XPO1: variants seen among roughly 807,000 people sequenced by gnomAD.
XPO1 encodes exportin 1, also known as exportin-1.
Under a neutral mutation model 133.3 loss-of-function variants are expected in XPO1, and 5 were observed. The ratio of observed to expected loss-of-function variants is 0.04; its 90% confidence interval spans 0.02 to 0.08. The LOEUF (loss-of-function observed/expected upper bound fraction) is 0.08, where lower values mean the gene tolerates loss of function less well. Among genes scored for constraint, XPO1 ranks in the 10% least tolerant of loss-of-function variants. The probability of loss-of-function intolerance (pLI) is 1.00; values close to 1 mark genes in which losing one functional copy is unlikely to be tolerated. For synonymous variants in XPO1, 419 were observed against 408.2 expected (o/e 1.03, Z -0.32); for missense variants, 506 against 1,267.5 (o/e 0.40, Z 9.12).
At chr2:61,527,305 C>T (rs1308958911) in intron 2 of XPO1, among the ~76,000 whole-genome samples, 3 of 130,442 alleles carry the variant, frequency 2.3e-5, no homozygotes, top group Admixed American at 9.2e-5. Flanking sequence ...GGCAATGTAA[C>T]GAGGCCATGA....
intron 1 of XPO1, chr2:61,534,811 T>C (rs962489904): frequency 2.0e-5 from 3 of 152,314 alleles, no homozygotes; most frequent in African/African-American, 4.8e-5. Context: ...GCCCTTAGCC[T>C]CTACAGAAAT....
chr2:61,521,003 T>C (rs534629056), intron 4 of XPO1, among the ~76,000 whole-genome samples: 10 of 152,290 alleles, frequency 6.6e-5, no homozygotes, highest in South Asian at 4.1e-4. Flanking sequence ...TTGGACCACA[T>C]AGTCAAATTG....
intron 16 of XPO1, 109 bp from the exon 17 acceptor site, chr2:61,490,885 T>A: frequency 7.5e-7 from 1 of 1,331,188 alleles, no homozygotes; most frequent in African/African-American, 1.5e-5. Flanking sequence ...CCAGGTGCAG[T>A]GGATCACTCC....
intron 4 of XPO1, among the ~76,000 whole-genome samples, chr2:61,504,290 A>AAT (rs1697688592): frequency 6.6e-6 from 1 of 152,218 alleles, no homozygotes; most frequent in South Asian, 2.1e-4. Context: ...GAATTTGCTG[A>AAT]GCATCTACTA....
At chr2:61,516,781 C>G (rs765756721) in intron 4 of XPO1, among the ~76,000 whole-genome samples, 3 of 152,074 alleles carry the variant, frequency 2.0e-5, no homozygotes, top group Non-Finnish European at 2.9e-5. Context: ...TTAAAACAAT[C>G]CCTTGGTTTA....
At chr2:61,521,254 C>G (rs1424774576) in intron 4 of XPO1, among the ~76,000 whole-genome samples, 2 of 152,022 alleles carry the variant, frequency 1.3e-5, no homozygotes, top group Non-Finnish European at 2.9e-5. Flanking sequence ...CAAACTTTGT[C>G]AAGGTTTAAG....
chr2:61,481,815 C>T (rs1396826468), intron 23 of XPO1, among the ~76,000 whole-genome samples: 1 of 150,948 alleles, frequency 6.6e-6, no homozygotes, highest in African/African-American at 2.4e-5. Flanking sequence ...CGGCTCACTG[C>T]AACCTCTGCC....
At chr2:61,489,050 C>T (rs1358047202) in intron 17 of XPO1, among the ~76,000 whole-genome samples, 2 of 151,586 alleles carry the variant, frequency 1.3e-5, no homozygotes, top group African/African-American at 2.4e-5. Flanking sequence ...TGCAGTGAGC[C>T]GAGATCGCAC....
At chr2:61,515,933 A>ACC in intron 4 of XPO1, among the ~76,000 whole-genome samples, 1 of 121,648 alleles carries the variant, frequency 8.2e-6, no homozygotes, top group Non-Finnish European at 1.7e-5. Flanking sequence ...AAAAAAAAAA[A>ACC]AAACCACACA....
intron 24 of XPO1, 120 bp downstream of exon 24, chr2:61,481,065 G>A (rs1298740665): frequency 1.6e-5 from 9 of 575,560 alleles, no homozygotes; most frequent in Middle Eastern, 5.0e-4. Context: ...TTGTGTAAAC[G>A]TATTATCTTG....
At chr2:61,487,215 C>T (rs1216076943) in intron 19 of XPO1, among the ~76,000 whole-genome samples, 2 of 152,030 alleles carry the variant, frequency 1.3e-5, no homozygotes, top group African/African-American at 4.8e-5. Context: ...TTCATGTGAA[C>T]AAATATCCCA....
In XPO1 at chr2:61,478,736, G is replaced by C; in HGVS notation, c.*84C>G. 1.4e-6 allele frequency: 2 copies of C among 1,405,952 alleles called. No individual in the cohort carries two copies. Among genetic ancestry groups the C allele is most frequent in the Non-Finnish European group, 1.9e-6 (2 of 1,043,976 alleles). 87.1% of individuals were successfully genotyped at this position (1,405,952 alleles called of 1,614,324 possible). ...AGGTGACATTTTAATTTACAAATTG[G>C]CATCATTTTGGTCGACAAATACCCA... On this transcript the variant is annotated 3_prime_UTR_variant, in exon 25 of 25. Coordinates refer to ENST00000401558, the MANE Select transcript of XPO1 (RefSeq NM_003400.4).
chr2:61,478,287 T>C lies in XPO1; in HGVS notation c.*533A>G. 1 of 233,896 alleles carries C rather than the reference T, an allele frequency of 4.3e-6. No homozygotes were observed. The highest frequency in any genetic ancestry group is 8.5e-6 in the Non-Finnish European group (1 of 118,116). 14.5% of individuals were successfully genotyped at this position (233,896 alleles called of 1,614,324 possible). On this transcript the variant is annotated 3_prime_UTR_variant, in exon 25 of 25. Transcript: ENST00000401558. Reference sequence around the variant, plus strand: ...TGGGATGATATGCACATGATCTTGCTGCAATCTTGCCAAAGAGACTTTGTA... The same window carrying C: ...TGGGATGATATGCACATGATCTTGCCGCAATCTTGCCAAAGAGACTTTGTA...
At chr2:61,527,207 T>G (rs960498336) in intron 2 of XPO1, among the ~76,000 whole-genome samples, 10 of 151,636 alleles carry the variant, frequency 6.6e-5, no homozygotes, top group African/African-American at 2.4e-4. Flanking sequence ...CAGTGTTTCA[T>G]GCCTGTAATC....
At chr2:61,526,975 T>TGA (rs1698932368) in intron 2 of XPO1, among the ~76,000 whole-genome samples, 1 of 152,164 alleles carries the variant, frequency 6.6e-6, no homozygotes, top group South Asian at 2.1e-4. Flanking sequence ...CCCAAAGTGC[T>TGA]GAGATTATAG....
intron 2 of XPO1, among the ~76,000 whole-genome samples, chr2:61,528,340 T>G (rs936656981): frequency 1.3e-5 from 2 of 152,104 alleles, no homozygotes; most frequent in African/African-American, 2.4e-5. Context: ...ATAGTATACT[T>G]AAAAATCTTT....
Position 61,498,664 on chromosome 2 carries a change from T to G in XPO1, c.759+9A>C. On this transcript the variant is annotated intron_variant, in intron 9 of 24. Coordinates refer to ENST00000401558, the MANE Select transcript of XPO1 (RefSeq NM_003400.4). ...CCGGTGACAAATAACTGAAATGTATTCACTGTACCTTATAAATCAATGTGC... is the reference window on the plus strand; with the variant it reads ...CCGGTGACAAATAACTGAAATGTATGCACTGTACCTTATAAATCAATGTGC... 8 of 1,613,102 alleles carry G rather than the reference T, an allele frequency of 5.0e-6. No homozygotes were observed. The highest frequency in any genetic ancestry group is 5.9e-6 in the Non-Finnish European group (7 of 1,179,724).
At chr2:61,510,624 G>A (rs538985501) in intron 4 of XPO1, among the ~76,000 whole-genome samples, 2 of 152,206 alleles carry the variant, frequency 1.3e-5, no homozygotes, top group East Asian at 1.9e-4. Context: ...ATTGACAGGA[G>A]CATCACTCAT....
chr2:61,532,832 T>G (rs1699216665), intron 2 of XPO1, among the ~76,000 whole-genome samples: 1 of 145,784 alleles, frequency 6.9e-6, no homozygotes, highest in African/African-American at 2.6e-5. Context: ...AGACTCCATC[T>G]GAAAAAAAAA....
Sources: gnomAD v4.1 joint callset for allele counts (sites outside exome capture counted in the v4.1 genomes callset) on GRCh38, gnomAD v4.1.1 for gene constraint, MANE v1.5 for transcripts, NCBI Gene and HGNC (gene_info 2026-07-23, HGNC 2026-07-21) for gene names.